The following ASTL variants were observed in gnomAD, a reference collection of about 807,000 sequenced individuals.
ASTL encodes astacin-like metalloendopeptidase.
In ASTL, 27 loss-of-function variants were observed where a neutral mutation model predicts 36.7. The observed-to-expected ratio is 0.73, with a 90% CI of 0.54 to 1.01. The LOEUF is 1.01. Ranked by LOEUF, ASTL falls within the 50% of genes least tolerant of loss-of-function variation. The probability of loss-of-function intolerance (pLI) is 0.00; values close to 1 mark genes in which losing one functional copy is unlikely to be tolerated. For synonymous variants in ASTL, 222 were observed against 228.1 expected (o/e 0.97, Z 0.24); for missense variants, 524 against 572.8 (o/e 0.91, Z 0.87).
chr2:96,133,498 C>T lies in ASTL; in HGVS notation c.382G>A (p.Glu128Lys), dbSNP rs1369655651. Residue 128 changes from glutamate (E) to lysine (K), a missense_variant, in exon 5 of 9, where the codon GAA becomes AAA. Physicochemically the swap from Glu to Lys is moderately conservative, Grantham distance 56. Transcript: ENST00000342380. ...ACAAACCTGATGCACGTGGAACGTT[C>T]AAACTCCGCAAGAGCCTCCAGGATG... ...QVILEALAEF[E>K]RSTCIRFVTY... 6.2e-7 allele frequency: 1 copy of T among 1,614,198 alleles called. No homozygotes were observed. The highest frequency in any genetic ancestry group is 1.7e-5 in the Admixed American group (1 of 60,028).
In ASTL at chr2:96,138,390, G is replaced by A. The variant is rs1430983062; in HGVS notation, c.47C>T (p.Ser16Phe). 18 of 1,609,954 alleles carry A rather than the reference G, an allele frequency of 1.1e-5. No homozygotes were observed. The highest frequency in any genetic ancestry group is 1.4e-5 in the Non-Finnish European group (17 of 1,178,162). The change falls in exon 1 of 9, where the codon TCC becomes TTC. Residue 16 changes from serine to phenylalanine, a missense_variant. Transcript: ENST00000342380. ...GLWPWVLGLLSLPGVILGAPL... is the reference protein window; with the variant it reads ...GLWPWVLGLLFLPGVILGAPL... ...ACAGGCAGCCAGCTTACCTGGCAAGGAGAGCAGACCCAGCACCCAAGGCCA... is the reference window on the plus strand; with the variant it reads ...ACAGGCAGCCAGCTTACCTGGCAAGAAGAGCAGACCCAGCACCCAAGGCCA...
Position 96,123,702 on chromosome 2 carries a change from G to C in ASTL, c.*148C>G. 3 of 645,776 alleles carry C rather than the reference G, an allele frequency of 4.6e-6. No individual in the cohort carries two copies. The highest frequency in any genetic ancestry group is 8.0e-6 in the Non-Finnish European group (3 of 375,790). 40.0% of individuals were successfully genotyped at this position (645,776 alleles called of 1,614,324 possible). On this transcript the variant is annotated 3_prime_UTR_variant, in exon 9 of 9. Coordinates refer to ENST00000342380, the MANE Select transcript of ASTL (RefSeq NM_001002036.4). ...AGCCCTTAGGGGAACACAGTGAAGA[G>C]AGACAGGGGAAGAGTCCTGGCCCTC...
Position 96,124,732 on chromosome 2 carries a change from G to C in ASTL, c.875-461C>G, listed in dbSNP as rs899713311. On this transcript the variant is annotated intron_variant, in intron 8 of 8. Transcript: ENST00000342380. This position sits in a 1 kb window ranked among gnomAD's most constrained non-coding sequence, Gnocchi z 4.1. ...GGTTGGGGCTTCCTTGTTCTTCACT[G>C]TCATGCCAGACTACAACTGTACCCC... Among the ~76,000 whole-genome samples, 20 of 152,136 alleles carry C rather than the reference G, an allele frequency of 1.3e-4. No homozygotes were observed. Among genetic ancestry groups the C allele is most frequent in the African/African-American group, 4.8e-4 (20 of 41,406 alleles).
At chr2:96,125,473 T>C (rs879344861) in intron 8 of ASTL, among the ~76,000 whole-genome samples, 3 of 152,074 alleles carry the variant, frequency 2.0e-5, no homozygotes, top group South Asian at 2.1e-4. Flanking sequence ...GCAGCCTTTT[T>C]CCAAACATTC....
chr2:96,137,684 C>A lies in ASTL; in HGVS notation c.72G>T (p.Ala24=). ...CTCCTGCGCAGCTGGAGGCCAGGGG[C>A]GCTCCTAGGATCACACCTGGTCCAG... ...LLSLPGVILG[A]PLASSCAGAC... Residue 24 remains alanine (A), a synonymous_variant, in exon 2 of 9, where the codon GCG becomes GCT. Coordinates refer to ENST00000342380, the MANE Select transcript of ASTL (RefSeq NM_001002036.4). 1 of 1,612,962 alleles carries A rather than the reference C, an allele frequency of 6.2e-7. No homozygotes were observed. Among genetic ancestry groups the A allele is most frequent in the East Asian group, 2.2e-5 (1 of 44,876 alleles).
In ASTL at chr2:96,124,294, T is replaced by G. The variant is rs751291011; in HGVS notation, c.875-23A>C. The G allele has an allele frequency of 6.7e-7, 1 of 1,497,762 alleles. No individual in the cohort carries two copies. The highest frequency in any genetic ancestry group is 8.9e-7 in the Non-Finnish European group (1 of 1,125,114). The allele number at this position is 1,497,762 out of a possible 1,614,324, so 92.8% of individuals were successfully genotyped here. ...ACCCTGCAACAGAAAAGACAGGAGG[T>G]GGAACCTCAGAACTGTAGGATGACA... is the stretch of plus-strand genomic sequence containing the variant. On this transcript the variant is annotated intron_variant, in intron 8 of 8. Coordinates refer to ENST00000342380, the MANE Select transcript of ASTL (RefSeq NM_001002036.4). This position sits in a 1 kb window ranked among gnomAD's most constrained non-coding sequence, Gnocchi z 4.1.
rs1344012641 is a variant in ASTL at position 96,125,425 on chromosome 2, C to A, written c.875-1154G>T. On this transcript the variant is annotated intron_variant, in intron 8 of 8. Transcript: ENST00000342380. ...GGGTCTATTCCTGTCTTCTTCCTTC[C>A]CACTAGATCCAAGGAAATGCCTCAG... 2.6e-5 allele frequency among the ~76,000 whole-genome samples: 4 copies of A among 152,160 alleles called. No homozygotes were observed. The East Asian group carries it at 7.7e-4, about 29-fold the overall frequency.
intron 8 of ASTL, among the ~76,000 whole-genome samples, chr2:96,129,171 TTAAG>T (rs1682119415): frequency 6.6e-6 from 1 of 152,262 alleles, no homozygotes; most frequent in Non-Finnish European, 1.5e-5. Context: ...TTATCTATAT[TTAAG>T]TATTATTTAA....
intron 1 of ASTL, 53 bp downstream of exon 1, chr2:96,138,329 C>T (rs1682347855): frequency 6.5e-7 from 1 of 1,530,560 alleles, no homozygotes; most frequent in Admixed American, 1.8e-5. Context: ...TAGCCTCTCC[C>T]CAGCTTTCTC....
intron 6 of ASTL, among the ~76,000 whole-genome samples, chr2:96,130,444 T>C (rs1316726640): frequency 6.6e-6 from 1 of 152,208 alleles, no homozygotes; most frequent in East Asian, 1.9e-4. Flanking sequence ...GGCTGGTCTC[T>C]GCATAAGCCA....
In ASTL at chr2:96,123,795, C is replaced by A; in HGVS notation, c.*55G>T. The A allele has an allele frequency of 6.6e-7, 1 of 1,510,492 alleles. No homozygotes were observed. The highest frequency in any genetic ancestry group is 9.1e-7 in the Non-Finnish European group (1 of 1,103,954). 93.6% of individuals were successfully genotyped at this position (1,510,492 alleles called of 1,614,324 possible). On this transcript the variant is annotated 3_prime_UTR_variant, in exon 9 of 9. Coordinates refer to ENST00000342380, the MANE Select transcript of ASTL (RefSeq NM_001002036.4). ...CCCAAAGGAGCCAAGAGGTAGACGA[C>A]CCAGCTCCACTGGGCAGAGGATGCC... is the stretch of plus-strand genomic sequence containing the variant.
At chr2:96,131,900 A>C (rs1682186366) in intron 6 of ASTL, among the ~76,000 whole-genome samples, 1 of 152,130 alleles carries the variant, frequency 6.6e-6, no homozygotes, top group Non-Finnish European at 1.5e-5. Context: ...CATCAAGCCC[A>C]CAATGAGAGA....
In ASTL at chr2:96,132,627, G is replaced by T; in HGVS notation, c.550C>A (p.Leu184Ile). Residue 184 changes from leucine to isoleucine, a missense_variant, in exon 6 of 9, where the codon CTC becomes ATC. Coordinates refer to ENST00000342380, the MANE Select transcript of ASTL (RefSeq NM_001002036.4). The surrounding 1 kb of genome is among the most constrained non-coding windows in gnomAD (Gnocchi z 5.4). Reference sequence around the variant, plus strand: ...TGCCAGAAGCCCAGCACATGCATGAGCTCATGAAGGACAATGCCCCGGCCC... The same window carrying T: ...TGCCAGAAGCCCAGCACATGCATGATCTCATGAAGGACAATGCCCCGGCCC... ...QKGRGIVLHE[L>I]MHVLGFWHEH... The T allele has an allele frequency of 6.2e-7, 1 of 1,613,672 alleles. No homozygotes were observed. Among genetic ancestry groups the T allele is most frequent in the Non-Finnish European group, 8.5e-7 (1 of 1,179,818 alleles).
rs1682019965 is a variant in ASTL at position 96,124,244 on chromosome 2, C to T, written c.902G>A (p.Ser301Asn). 1 of 1,515,268 alleles carries T rather than the reference C, an allele frequency of 6.6e-7. No homozygotes were observed. 93.9% of individuals were successfully genotyped at this position (1,515,268 alleles called of 1,614,324 possible). The change falls in exon 9 of 9, where the codon AGC becomes AAC. Residue 301 changes from serine (S) to asparagine (N), a missense_variant. Transcript: ENST00000342380. This position sits in a 1 kb window ranked among gnomAD's most constrained non-coding sequence, Gnocchi z 4.1. ...CAGAGATAGGGAGGCCGGAGCGGGG[C>T]TCCTACCAGTGCTGTGGGCATGGGA... ...RGSHAHSTGR[S>N]PAPASLSLQR...
At chr2:96,134,473 GGAGT>G (rs1165422701) in intron 3 of ASTL, among the ~76,000 whole-genome samples, 1 of 152,186 alleles carries the variant, frequency 6.6e-6, no homozygotes, top group East Asian at 1.9e-4. Context: ...AGAGCCATAT[GGAGT>G]GAAAGTGAGG....
intron 2 of ASTL, among the ~76,000 whole-genome samples, chr2:96,135,848 A>G (rs1682284756): frequency 6.6e-6 from 1 of 151,982 alleles, no homozygotes; most frequent in South Asian, 2.1e-4. Flanking sequence ...GACCCACGCA[A>G]TCCAGTCCCA....
rs1036090128 is a variant in ASTL at position 96,133,517 on chromosome 2, C to T, written c.363G>A (p.Leu121=). 6 of 1,614,036 alleles carry T rather than the reference C, an allele frequency of 3.7e-6. No individual in the cohort carries two copies. The African/African-American group carries it at 6.7e-5, about 18-fold the overall frequency. ...KYDEPSRQVI[L]EALAEFERST... ...AACGTTCAAACTCCGCAAGAGCCTC[C>T]AGGATGACCTGGCGGCTGGGCTCAT... The change falls in exon 5 of 9, where the codon CTG becomes CTA. Residue 121 remains leucine, a synonymous_variant. Transcript: ENST00000342380.
At chr2:96,137,517 T>C in intron 2 of ASTL, 58 bp downstream of exon 2, 7 of 1,575,422 alleles carry the variant, frequency 4.4e-6, no homozygotes, top group Non-Finnish European at 4.3e-6. Flanking sequence ...TTCGGTGTGG[T>C]TTTCACACTA....
At chr2:96,133,884 G>C in intron 4 of ASTL, 81 bp downstream of exon 4, 1 of 932,602 alleles carries the variant, frequency 1.1e-6, no homozygotes, top group Non-Finnish European at 1.7e-6. Context: ...GATGGTGTAA[G>C]AGGAAAAGGG....
Sources: gnomAD v4.1 joint callset for allele counts (sites outside exome capture counted in the v4.1 genomes callset) on GRCh38, gnomAD v4.1.1 for gene constraint, Gnocchi (gnomAD v3.1) non-coding constraint, MANE v1.5 for transcripts, NCBI Gene and HGNC (gene_info 2026-07-23, HGNC 2026-07-21) for gene names.